ATG14: variants seen among roughly 807,000 people sequenced by gnomAD.
ATG14 encodes the protein beclin 1-associated autophagy-related key regulator.
Under a neutral mutation model 60.4 loss-of-function variants are expected in ATG14, and 35 were observed. The observed-to-expected ratio is 0.58, with a 90% CI of 0.44 to 0.77. The LOEUF is 0.77. Among genes scored for constraint, ATG14 ranks in the 30% least tolerant of loss-of-function variants. The pLI is 0.00. For missense variants in ATG14, 647 were observed against 626.3 expected, an observed-to-expected ratio of 1.03 and a Z score of -0.35; for synonymous variants, 234 against 228.8, an observed-to-expected ratio of 1.02 and a Z score of -0.21.
At chr14:55,393,128 T>C (rs1432015238) in intron 3 of ATG14, among the ~76,000 whole-genome samples, 1 of 152,176 alleles carries the variant, frequency 6.6e-6, no homozygotes, top group Non-Finnish European at 1.5e-5. Flanking sequence ...ACGCCTGTAA[T>C]CCCAGCACTT....
chr14:55,391,983 CA>C, intron 3 of ATG14, among the ~76,000 whole-genome samples: 1 of 152,276 alleles, frequency 6.6e-6, no homozygotes, highest in Non-Finnish European at 1.5e-5. Flanking sequence ...TTAGGTTCAG[CA>C]CCCCCTAAAG....
Position 55,392,072 on chromosome 14 carries a change from T to C in ATG14, c.328-1080A>G, listed in dbSNP as rs190007914. On this transcript the variant is annotated intron_variant, in intron 3 of 9. Coordinates refer to ENST00000247178, the MANE Select transcript of ATG14 (RefSeq NM_014924.5). Reference sequence around the variant, plus strand: ...TTTCCACGGACAGGGTGGCAGATGATTTACAGGAATGAATCTGTCCCACCT... The same window carrying C: ...TTTCCACGGACAGGGTGGCAGATGACTTACAGGAATGAATCTGTCCCACCT... Among the ~76,000 whole-genome samples, 15 of 152,214 alleles carry C rather than the reference T, an allele frequency of 9.9e-5. No homozygotes were observed. The East Asian group carries it at 2.7e-3, about 27-fold the overall frequency.
chr14:55,388,933 G>A (rs1480522400), intron 4 of ATG14, among the ~76,000 whole-genome samples: 1 of 152,134 alleles, frequency 6.6e-6, no homozygotes, highest in African/African-American at 2.4e-5. Flanking sequence ...GAAATACAGA[G>A]TAAGCACGTT....
intron 5 of ATG14, among the ~76,000 whole-genome samples, chr14:55,384,605 A>G (rs1305912556): frequency 6.6e-6 from 1 of 152,262 alleles, no homozygotes; most frequent in African/African-American, 2.4e-5. Context: ...CTTAGAGTCA[A>G]GAGAGCAGCT....
At chr14:55,376,891 A>C (rs1352515355) in intron 9 of ATG14, among the ~76,000 whole-genome samples, 1 of 152,240 alleles carries the variant, frequency 6.6e-6, no homozygotes, top group African/African-American at 2.4e-5. Flanking sequence ...CGTACAGTAC[A>C]TGCTTTCATG....
At chr14:55,393,643 CA>C (rs1885261875) in intron 3 of ATG14, among the ~76,000 whole-genome samples, 1 of 151,420 alleles carries the variant, frequency 6.6e-6, no homozygotes, top group Non-Finnish European at 1.5e-5. Flanking sequence ...CTCCCTGGCT[CA>C]AGTGATCCTC....
intron 6 of ATG14, among the ~76,000 whole-genome samples, chr14:55,381,109 A>G (rs1215453124): frequency 6.6e-6 from 1 of 151,712 alleles, no homozygotes; most frequent in Non-Finnish European, 1.5e-5. Context: ...AGTTCCTTCC[A>G]TGGCACCCAC....
At chr14:55,374,839 T>C (rs1051596177) in intron 9 of ATG14, among the ~76,000 whole-genome samples, 2 of 152,216 alleles carry the variant, frequency 1.3e-5, no homozygotes, top group Admixed American at 1.3e-4. Context: ...GTTTCGGGAC[T>C]ATTTTCTTCC....
chr14:55,410,703 T>C (rs1168102644), intron 1 of ATG14, among the ~76,000 whole-genome samples: 1 of 152,228 alleles, frequency 6.6e-6, no homozygotes, highest in African/African-American at 2.4e-5. Context: ...TTGTGTGACC[T>C]GGGGCAAAGC....
Position 55,369,905 on chromosome 14 carries a change from CGTACT to C in ATG14, c.1188_1192del (p.Val397SerfsTer4). Reference sequence around the variant, plus strand: ...TTCCATGGACTCCTCAAGGTCTGCTCGTACTTCAAAGGGCCCTGACCTGTGTGCAG... The same window carrying C: ...TTCCATGGACTCCTCAAGGTCTGCTCTCAAAGGGCCCTGACCTGTGTGCAG... On this transcript the variant is annotated frameshift_variant, in exon 10 of 10. Coordinates refer to ENST00000247178, the MANE Select transcript of ATG14 (RefSeq NM_014924.5). LOFTEE classifies it high-confidence loss of function. 1 of 1,611,678 alleles carries C rather than the reference CGTACT, an allele frequency of 6.2e-7. No individual in the cohort carries two copies. Among genetic ancestry groups the C allele is most frequent in the Non-Finnish European group, 8.5e-7 (1 of 1,178,422 alleles).
intron 9 of ATG14, among the ~76,000 whole-genome samples, chr14:55,377,431 A>G (rs1884940373): frequency 6.6e-6 from 1 of 152,112 alleles, no homozygotes; most frequent in Non-Finnish European, 1.5e-5. Flanking sequence ...CAGGGCAGAC[A>G]CTAGGTAGGG....
In ATG14 at chr14:55,367,041, TAAC is replaced by T. The variant is rs1339349999; in HGVS notation, c.*2575_*2577del. On this transcript the variant is annotated 3_prime_UTR_variant, in exon 10 of 10. Transcript: ENST00000247178. The stretch of plus-strand genomic sequence containing the variant: ...TATGTAAAGTGCCTCTAGTTGATAT[TAAC>T]AACAACAAACAAAATATATCCTATC... The T allele has an allele frequency of 5.9e-5, 9 of 152,662 alleles. No homozygotes were observed. The highest frequency in any genetic ancestry group is 1.4e-4 in the African/African-American group (6 of 41,472). The allele number at this position is 152,662 out of a possible 1,614,324, so 9.5% of individuals were successfully genotyped here.
At chr14:55,379,030 G>A (rs1004188008) in intron 7 of ATG14, among the ~76,000 whole-genome samples, 6 of 151,894 alleles carry the variant, frequency 4.0e-5, no homozygotes, top group South Asian at 2.1e-4. Flanking sequence ...CTGTTTTAAC[G>A]TTCTCCACAG....
intron 3 of ATG14, among the ~76,000 whole-genome samples, chr14:55,393,090 T>C (rs1268840573): frequency 6.6e-6 from 1 of 152,116 alleles, no homozygotes; most frequent in South Asian, 2.1e-4. Context: ...TTAAGTATAA[T>C]GAAATATATG....
intron 1 of ATG14, among the ~76,000 whole-genome samples, chr14:55,405,459 T>C (rs1159655773): frequency 1.3e-5 from 2 of 152,246 alleles, no homozygotes; most frequent in Non-Finnish European, 1.5e-5. Context: ...AACATAATTA[T>C]AAAGTAGTAT....
intron 7 of ATG14, among the ~76,000 whole-genome samples, chr14:55,379,186 A>G (rs553988935): frequency 1.3e-5 from 2 of 152,356 alleles, no homozygotes; most frequent in South Asian, 4.1e-4. Flanking sequence ...CTTCATAAAT[A>G]TGTGTTACAT....
At chr14:55,372,502 G>A (rs1716951700) in intron 9 of ATG14, among the ~76,000 whole-genome samples, 1 of 151,910 alleles carries the variant, frequency 6.6e-6, no homozygotes, top group African/African-American at 2.4e-5. Context: ...ATCCCCCAAA[G>A]GTCCCAGTCA....
At chr14:55,394,826 T>A (rs1885285517) in intron 3 of ATG14, 1 of 304,704 alleles carries the variant, frequency 3.3e-6, no homozygotes, top group African/African-American at 2.2e-5. Context: ...ATATAAAAAC[T>A]AACCCCCCAA....
At chr14:55,386,307 T>C (rs1353549416) in intron 4 of ATG14, among the ~76,000 whole-genome samples, 1 of 152,224 alleles carries the variant, frequency 6.6e-6, no homozygotes, top group East Asian at 1.9e-4. Context: ...AAAATGACTC[T>C]GGATCTCTAT....
Sources: allele counts gnomAD v4.1 joint callset (sites outside exome capture counted in the v4.1 genomes callset), GRCh38; gene constraint gnomAD v4.1.1; transcripts MANE v1.5; gene names NCBI Gene and HGNC (gene_info 2026-07-23, HGNC 2026-07-21).